Variants in NBEA observed in about 807,000 individuals in gnomAD.
NBEA encodes lysosomal-trafficking regulator 2.
Under a neutral mutation model 343.4 loss-of-function variants are expected in NBEA, and 44 were observed. The ratio of observed to expected loss-of-function variants is 0.13; its 90% CI spans 0.10 to 0.16. The LOEUF (loss-of-function observed/expected upper bound fraction) is 0.16. Ranked by LOEUF, NBEA falls within the 10% of genes least tolerant of loss-of-function variation. The pLI is 1.00. For missense variants in NBEA, 2,555 were observed against 3,631.3 expected (o/e 0.70, Z 7.62); for synonymous variants, 1,175 against 1,238.7 (o/e 0.95, Z 1.08).
chr13:35,271,596 T>C (rs1338982394), intron 34 of NBEA, among the ~76,000 whole-genome samples: 1 of 152,130 alleles, frequency 6.6e-6, no homozygotes, highest in East Asian at 1.9e-4. Flanking sequence ...GCAAGGAAGC[T>C]AAAAATCTTG....
chr13:35,477,631 G>C (rs1487638504), intron 41 of NBEA, among the ~76,000 whole-genome samples: 1 of 152,080 alleles, frequency 6.6e-6, no homozygotes, highest in South Asian at 2.1e-4. Flanking sequence ...GAAGGTTTGG[G>C]GTATCTGGCT....
At chr13:35,013,747 G>A (rs1382806656) in intron 1 of NBEA, among the ~76,000 whole-genome samples, 2 of 152,156 alleles carry the variant, frequency 1.3e-5, no homozygotes, top group East Asian at 3.9e-4. Flanking sequence ...GGGATTACAG[G>A]CGTGAGCCAC....
At chr13:35,661,949 G>C (rs923521008) in intron 55 of NBEA, among the ~76,000 whole-genome samples, 1 of 152,096 alleles carries the variant, frequency 6.6e-6, no homozygotes, top group Admixed American at 6.5e-5. Flanking sequence ...CACTGGCTTT[G>C]TTTAGTTCTA....
intron 29 of NBEA, among the ~76,000 whole-genome samples, 183 bp from the exon 30 acceptor site, chr13:35,183,793 C>T (rs1472161308): frequency 2.0e-5 from 3 of 152,038 alleles, no homozygotes; most frequent in Non-Finnish European, 4.4e-5. Context: ...TAGAATTACT[C>T]TACTTAACAA....
intron 41 of NBEA, among the ~76,000 whole-genome samples, chr13:35,489,315 A>G (rs1010304932): frequency 6.6e-6 from 1 of 151,870 alleles, no homozygotes; most frequent in Non-Finnish European, 1.5e-5. Flanking sequence ...ATGAATCTAA[A>G]TGCACAAGCG....
At chr13:35,540,228 C>G (rs1377049971) in intron 41 of NBEA, among the ~76,000 whole-genome samples, 2 of 151,732 alleles carry the variant, frequency 1.3e-5, no homozygotes, top group African/African-American at 4.8e-5. Context: ...TCCAAATGAT[C>G]TGAAACAGAA....
At chr13:34,968,795 G>T (rs1176780597) in intron 1 of NBEA, among the ~76,000 whole-genome samples, 1 of 152,040 alleles carries the variant, frequency 6.6e-6, no homozygotes, top group African/African-American at 2.4e-5. Context: ...AGCACTAATA[G>T]ATTTTTTTAA....
intron 38 of NBEA, among the ~76,000 whole-genome samples, chr13:35,395,794 C>G (rs888292350): frequency 1.3e-5 from 2 of 152,068 alleles, no homozygotes; most frequent in Non-Finnish European, 2.9e-5. Flanking sequence ...GTCAATTTTG[C>G]ATCATATATT....
intron 49 of NBEA, among the ~76,000 whole-genome samples, chr13:35,643,076 C>A (rs1202829729): frequency 6.8e-6 from 1 of 146,570 alleles, no homozygotes; most frequent in Non-Finnish European, 1.5e-5. Flanking sequence ...ATTCATCTCA[C>A]AGTTCCAGTA....
intron 41 of NBEA, among the ~76,000 whole-genome samples, chr13:35,497,398 T>G (rs1235585740): frequency 6.6e-6 from 1 of 152,126 alleles, no homozygotes; most frequent in Non-Finnish European, 1.5e-5. Context: ...AATTATTTCA[T>G]TTGCTATATT....
At chr13:35,251,575 A>T in intron 34 of NBEA, 1 of 1,208,642 alleles carries the variant, frequency 8.3e-7, no homozygotes, top group Non-Finnish European at 1.1e-6. Flanking sequence ...GAAGGCGTTC[A>T]CAGAAGCAGT....
rs377071452 is a variant in NBEA, at chr13:35,290,366, G to A, written c.5777-23G>A. ...ATTTCTGCCATTGTAATTTCATTTT[G>A]TTTTAACCTTTCTTTGTTGTAGGCC... On this transcript the variant is annotated intron_variant, in intron 34 of 58. Transcript: ENST00000379939. 1.2e-4 allele frequency: 191 copies of A among 1,542,238 alleles called. 1 individual carries two copies. Among genetic ancestry groups the A allele is most frequent in the Non-Finnish European group, 1.6e-4 (184 of 1,119,490 alleles).
chr13:35,360,478 T>C (rs503992), intron 38 of NBEA, among the ~76,000 whole-genome samples: 44,258 of 151,760 alleles, frequency 0.29, 8,285 homozygotes, highest in African/African-American at 0.54. Flanking sequence ...CCAAAACTAC[T>C]CAATATACAA....
intron 10 of NBEA, among the ~76,000 whole-genome samples, chr13:35,080,112 T>A (rs1246966368): frequency 6.6e-6 from 1 of 152,202 alleles, no homozygotes; most frequent in African/African-American, 2.4e-5. Flanking sequence ...GGTTGCCTAA[T>A]GCTGAGTTGG....
At chr13:35,548,360 T>C (rs534095333) in intron 41 of NBEA, among the ~76,000 whole-genome samples, 2 of 152,220 alleles carry the variant, frequency 1.3e-5, no homozygotes, top group South Asian at 4.1e-4. Flanking sequence ...ACATGCTTAA[T>C]GGAAATAAAT....
At chr13:35,335,184 T>G in intron 36 of NBEA, among the ~76,000 whole-genome samples, 1 of 152,204 alleles carries the variant, frequency 6.6e-6, no homozygotes, top group East Asian at 1.9e-4. Context: ...TTCTCTATTC[T>G]GTTTCATTGC....
chr13:35,089,316 T>C (rs1365136697), intron 10 of NBEA, among the ~76,000 whole-genome samples: 11 of 145,810 alleles, frequency 7.5e-5, no homozygotes, highest in African/African-American at 2.6e-4. Flanking sequence ...AAAATGCTCA[T>C]CATCACTGGC....
chr13:35,451,056 T>C (rs1229912584), intron 39 of NBEA, among the ~76,000 whole-genome samples: 1 of 152,222 alleles, frequency 6.6e-6, no homozygotes, highest in Non-Finnish European at 1.5e-5. Flanking sequence ...AGGTCAAATC[T>C]TGCAATATTT....
intron 38 of NBEA, among the ~76,000 whole-genome samples, chr13:35,390,088 A>G (rs1054319956): frequency 6.6e-6 from 1 of 151,100 alleles, no homozygotes; most frequent in African/African-American, 2.4e-5. Context: ...GAATATTTAC[A>G]TTTTGATTTT....
Sources: gnomAD v4.1 joint callset for allele counts (sites outside exome capture counted in the v4.1 genomes callset) on GRCh38, gnomAD v4.1.1 for gene constraint, MANE v1.5 for transcripts, NCBI Gene and HGNC (gene_info 2026-07-23, HGNC 2026-07-21) for gene names.